The following NUP155 variants were observed in gnomAD, a reference collection of about 807,000 sequenced individuals.
The protein encoded by NUP155 is nuclear pore complex protein Nup155.
A neutral mutation model predicts 180.4 loss-of-function variants in NUP155; 71 were observed. The observed-to-expected ratio is 0.39, with a 90% CI of 0.33 to 0.48. The LOEUF (loss-of-function observed/expected upper bound fraction) is 0.48, where lower values mean the gene tolerates loss of function less well. NUP155 is among the 20% of genes least tolerant of loss of function. The pLI is 0.91. For missense variants in NUP155, 1,553 were observed against 1,648.9 expected (o/e 0.94, Z 1.01); for synonymous variants, 582 against 559.5 (o/e 1.04, Z -0.57).
intron 9 of NUP155, among the ~76,000 whole-genome samples, chr5:37,343,480 T>C (rs149765941): frequency 8.5e-5 from 13 of 152,276 alleles, no homozygotes; most frequent in African/African-American, 2.9e-4. Context: ...TTTACATTTA[T>C]ATTATTAAGA....
At chr5:37,297,846 T>C (rs547149962) in intron 32 of NUP155, among the ~76,000 whole-genome samples, 2 of 151,312 alleles carry the variant, frequency 1.3e-5, no homozygotes, top group African/African-American at 4.9e-5. Context: ...AGTAAGGGTA[T>C]GAATAAAATG....
At position 37,371,041 on chromosome 5, in the gene NUP155, C is replaced by T; in HGVS notation, c.-64G>A. 1 of 1,575,736 alleles carries T rather than the reference C, an allele frequency of 6.3e-7. No individual in the cohort carries two copies. The highest frequency in any genetic ancestry group is 8.7e-7 in the Non-Finnish European group (1 of 1,151,856). The stretch of plus-strand genomic sequence containing the variant: ...AAACCAAGGAGAAACAAGAAAAGAT[C>T]CAAGAAGTTAGCTTAGATCCGCCGC... On this transcript the variant is annotated 5_prime_UTR_variant, in exon 1 of 35. Coordinates refer to ENST00000231498, the MANE Select transcript of NUP155 (RefSeq NM_153485.3).
intron 9 of NUP155, 133 bp downstream of exon 9, chr5:37,348,372 G>C (rs1159054031): frequency 2.8e-6 from 2 of 702,002 alleles, no homozygotes; most frequent in Non-Finnish European, 5.3e-6. Flanking sequence ...ATAATGTAGA[G>C]TGTCATCTCT....
At position 37,371,067 on chromosome 5, in the gene NUP155, C is replaced by G; in HGVS notation, c.-90G>C. On this transcript the variant is annotated 5_prime_UTR_variant, in exon 1 of 35. Transcript: ENST00000231498. ...CAAGAAGTTAGCTTAGATCCGCCGC[C>G]TAGGGCGCGCGCGCCAAACGAGCGC... The G allele has an allele frequency of 7.1e-7, 1 of 1,414,340 alleles. No individual in the cohort carries two copies. The highest frequency in any genetic ancestry group is 1.4e-5 in the African/African-American group (1 of 70,484). 87.6% of individuals were successfully genotyped at this position (1,414,340 alleles called of 1,614,324 possible). A position where few individuals can be genotyped will look rare whatever the true frequency, so the allele number is the denominator to read the frequency against.
intron 21 of NUP155, 129 bp downstream of exon 21, chr5:37,317,859 C>T: frequency 1.4e-6 from 1 of 730,518 alleles, no homozygotes; most frequent in Non-Finnish European, 2.5e-6. Flanking sequence ...GACCCAATTA[C>T]ACTGATATTT....
intron 3 of NUP155, 75 bp downstream of exon 3, chr5:37,363,813 A>C (rs1040186837): frequency 2.1e-6 from 2 of 971,788 alleles, no homozygotes; most frequent in African/African-American, 3.2e-5. Flanking sequence ...AGCAGCTTCT[A>C]ATGAGAACAC....
In NUP155 at chr5:37,363,919, T is replaced by C; in HGVS notation, c.361A>G (p.Ser121Gly). ...TCATAGTTCCACATGAATATATCAC[T>C]GTCAATTGTGAGCCAAGCTCTGCTG... is the stretch of plus-strand genomic sequence containing the variant. ...PISRAWLTID[S>G]DIFMWNYEDG... is the part of the protein sequence containing the mutation. The change falls in exon 3 of 35, where the codon AGT (serine) becomes GGT (glycine). Residue 121 changes from serine to glycine, a missense_variant. Physicochemically the swap from Ser to Gly is moderately conservative, Grantham distance 56. Coordinates refer to ENST00000231498, the MANE Select transcript of NUP155 (RefSeq NM_153485.3). The C allele has an allele frequency of 1.2e-6, 2 of 1,613,608 alleles. No homozygotes were observed. The highest frequency in any genetic ancestry group is 1.7e-6 in the Non-Finnish European group (2 of 1,179,516).
chr5:37,309,039 G>T (rs1743357809), intron 24 of NUP155, 90 bp downstream of exon 24: 2 of 1,339,542 alleles, frequency 1.5e-6, no homozygotes, highest in Non-Finnish European at 2.1e-6. Flanking sequence ...CATCTGGAAA[G>T]TGGCTTTTCA....
At chr5:37,294,611 G>C in intron 32 of NUP155, 146 bp from the exon 33 acceptor site, 1 of 734,262 alleles carries the variant, frequency 1.4e-6, no homozygotes. Context: ...TTTTTGCTAT[G>C]TTGCCCAGAC....
At chr5:37,344,763 C>A (rs1376164588) in intron 9 of NUP155, among the ~76,000 whole-genome samples, 1 of 151,480 alleles carries the variant, frequency 6.6e-6, no homozygotes, top group Non-Finnish European at 1.5e-5. Flanking sequence ...TCCCAGCTAC[C>A]CGGGAGGCCG....
rs778410776 is a variant in NUP155 at position 37,370,986 on chromosome 5, T to C, written c.-9A>G. 8.1e-6 allele frequency: 13 copies of C among 1,613,358 alleles called. No homozygotes were observed. The highest frequency in any genetic ancestry group is 8.5e-6 in the Non-Finnish European group (10 of 1,179,838). ...AACAAAGAAGACGGCATCTCGGAAA[T>C]CGTAGACACCAGGGTCCAGAAAAAG... On this transcript the variant is annotated 5_prime_UTR_variant, in exon 1 of 35. Coordinates refer to ENST00000231498, the MANE Select transcript of NUP155 (RefSeq NM_153485.3).
chr5:37,351,330 A>G lies in NUP155; in HGVS notation c.583T>C (p.Ser195Pro), dbSNP rs753819565. 2 of 1,612,582 alleles carry G rather than the reference A, an allele frequency of 1.2e-6. No individual in the cohort carries two copies. The highest frequency in any genetic ancestry group is 8.5e-7 in the Non-Finnish European group (1 of 1,178,740). ...TGSGVLNDSL[S>P]GGMQLLPDPL... Reference sequence around the variant, plus strand: ...TCTGGAAGCAACTGCATTCCACCAGACAAACTATCATTAAGAACTCCAGAA... The same window carrying G: ...TCTGGAAGCAACTGCATTCCACCAGGCAAACTATCATTAAGAACTCCAGAA... The change falls in exon 6 of 35, where the codon TCT (serine) becomes CCT (proline). Residue 195 changes from serine (S) to proline (P), a missense_variant. Physicochemically the swap from Ser to Pro is moderately conservative, Grantham distance 74. Transcript: ENST00000231498.
intron 11 of NUP155, among the ~76,000 whole-genome samples, chr5:37,340,488 T>C (rs1483464710): frequency 6.6e-6 from 1 of 151,972 alleles, no homozygotes; most frequent in African/African-American, 2.4e-5. Context: ...CTTATCAATT[T>C]CAAAACTTAT....
intron 1 of NUP155, among the ~76,000 whole-genome samples, chr5:37,365,738 A>ATATAT (rs1294810603): frequency 0.013 from 472 of 37,102 alleles, 21 homozygotes; most frequent in Middle Eastern, 0.029. Context: ...AAAAAAAAAA[A>ATATAT]ATATATATAT....
At position 37,314,226 on chromosome 5, in the gene NUP155, A is replaced by C. The variant is rs748068286; in HGVS notation, c.2408T>G (p.Phe803Cys). 1 of 1,609,916 alleles carries C rather than the reference A, an allele frequency of 6.2e-7. No homozygotes were observed. Among genetic ancestry groups the C allele is most frequent in the South Asian group, 1.1e-5 (1 of 90,566 alleles). Reference sequence around the variant, plus strand: ...CTGAAGTTCTGCCACAATGATAGTGAATTGATGTTCACAAAGAAGTTTCCA... The same window carrying C: ...CTGAAGTTCTGCCACAATGATAGTGCATTGATGTTCACAAAGAAGTTTCCA... The part of the protein sequence containing the change: ...ALWKLLCEHQ[F>C]TIIVAELQKE... The change falls in exon 22 of 35, where the codon TTC becomes TGC. Residue 803 changes from phenylalanine (F) to cysteine (C), a missense_variant. Phe to Cys is a radical substitution (Grantham distance 205). Coordinates refer to ENST00000231498, the MANE Select transcript of NUP155 (RefSeq NM_153485.3).
Position 37,325,893 on chromosome 5 carries a change from A to T in NUP155, c.2091+8T>A, listed in dbSNP as rs1359780063. The T allele has an allele frequency of 2.6e-6, 4 of 1,560,622 alleles. No homozygotes were observed. Among genetic ancestry groups the T allele is most frequent in the Non-Finnish European group, 3.5e-6 (4 of 1,132,376 alleles). The stretch of plus-strand genomic sequence containing the variant: ...CAAAAATAACAAAATAATATTATAC[A>T]CACTTACTGCAGTGATCTCTCTGTT... On this transcript the variant is annotated splice_region_variant and intron_variant, in intron 19 of 34. Coordinates refer to ENST00000231498, the MANE Select transcript of NUP155 (RefSeq NM_153485.3).
At chr5:37,297,197 T>G (rs1213432369) in intron 32 of NUP155, among the ~76,000 whole-genome samples, 2 of 152,140 alleles carry the variant, frequency 1.3e-5, no homozygotes, top group Non-Finnish European at 2.9e-5. Flanking sequence ...AATCTTAATT[T>G]TTTTTGTAGA....
In NUP155 at chr5:37,318,448, T is replaced by G. The variant is rs73068415; in HGVS notation, c.2208-363A>C. Among the ~76,000 whole-genome samples, 1,113 of 151,914 alleles carry G rather than the reference T, an allele frequency of 7.3e-3. 17 individuals are homozygous for G. Among genetic ancestry groups the G allele is most frequent in the African/African-American group, 0.025 (1,047 of 41,430 alleles). On this transcript the variant is annotated intron_variant, in intron 20 of 34. Transcript: ENST00000231498. ...AGTTAATATGATTCTCCAAAGAGAA[T>G]GGGACAGAAGAAACATAGATTGAGT... is the stretch of plus-strand genomic sequence containing the variant.
At chr5:37,300,193 T>C (rs10941323) in intron 30 of NUP155, among the ~76,000 whole-genome samples, 23,902 of 152,094 alleles carry the variant, frequency 0.16, 1,927 homozygotes, top group South Asian at 0.2. Flanking sequence ...TATGTATTTA[T>C]GGGGTACATG....
Sources: gnomAD v4.1 joint callset for allele counts (sites outside exome capture counted in the v4.1 genomes callset) on GRCh38, gnomAD v4.1.1 for gene constraint, MANE v1.5 for transcripts, NCBI Gene and HGNC (gene_info 2026-07-23, HGNC 2026-07-21) for gene names.